ADAMTS17: variants seen among roughly 807,000 people sequenced by gnomAD.
ADAMTS17 encodes ADAM metallopeptidase with thrombospondin type 1 motif 17, also known as A disintegrin and metalloproteinase with thrombospondin motifs 17.
In ADAMTS17, 113 loss-of-function variants were observed where a neutral mutation model predicts 141.5. The observed-to-expected ratio is 0.80, with a 90% CI of 0.69 to 0.93. The LOEUF is 0.93. Among genes scored for constraint, ADAMTS17 ranks in the 40% least tolerant of loss-of-function variants. The pLI is 0.00. For missense variants in ADAMTS17, 1,659 were observed against 1,517.9 expected (o/e 1.09, Z -1.54); for synonymous variants, 768 against 630.6 (o/e 1.22, Z -3.27).
chr15:100,303,338 C>A (rs1159118484), intron 3 of ADAMTS17, among the ~76,000 whole-genome samples: 1 of 151,160 alleles, frequency 6.6e-6, no homozygotes, highest in East Asian at 1.9e-4. Flanking sequence ...TACAAGAATT[C>A]TTTATATATT....
chr15:100,295,099 T>A (rs1188409165), intron 3 of ADAMTS17, among the ~76,000 whole-genome samples: 1 of 152,222 alleles, frequency 6.6e-6, no homozygotes, highest in African/African-American at 2.4e-5. Flanking sequence ...CATGTCCAAC[T>A]GTCTTGTGTC....
intron 8 of ADAMTS17, among the ~76,000 whole-genome samples, chr15:100,161,600 A>G (rs1031427530): frequency 1.3e-5 from 2 of 152,236 alleles, no homozygotes; most frequent in Non-Finnish European, 2.9e-5. Context: ...AATAGTGGGC[A>G]GATGTGTATT....
chr15:99,981,166 G>A (rs527467775), intron 20 of ADAMTS17, among the ~76,000 whole-genome samples: 72 of 152,302 alleles, frequency 4.7e-4, no homozygotes, highest in African/African-American at 1.6e-3. Flanking sequence ...AATCGGAAGC[G>A]GGAATCAAAG....
chr15:99,990,025 G>A (rs1045881061), intron 20 of ADAMTS17, among the ~76,000 whole-genome samples: 1 of 152,174 alleles, frequency 6.6e-6, no homozygotes, highest in Non-Finnish European at 1.5e-5. Flanking sequence ...TCTCTATTGT[G>A]TGAGTTCAAG....
At chr15:100,103,173 A>G (rs1169199589) in intron 14 of ADAMTS17, among the ~76,000 whole-genome samples, 2 of 152,180 alleles carry the variant, frequency 1.3e-5, no homozygotes, top group Admixed American at 6.5e-5. Flanking sequence ...GAGGTTAATC[A>G]GAAAAAAGGG....
rs751533317 is a variant in ADAMTS17, at chr15:100,109,131, G to T, written c.1889-15C>A. 1 of 1,599,272 alleles carries T rather than the reference G, an allele frequency of 6.3e-7. No homozygotes were observed. The highest frequency in any genetic ancestry group is 8.5e-7 in the Non-Finnish European group (1 of 1,172,666). On this transcript the variant is annotated splice_polypyrimidine_tract_variant and intron_variant, in intron 13 of 21. Coordinates refer to ENST00000268070, the MANE Select transcript of ADAMTS17 (RefSeq NM_139057.4). ...ACATGGCTTATCTGAGGAGGGAAAG[G>T]TTGGAGGACGTTGACACGGGAAGGT... is the stretch of plus-strand genomic sequence containing the variant.
chr15:100,004,456 G>C (rs986066208), intron 18 of ADAMTS17, among the ~76,000 whole-genome samples: 5 of 152,116 alleles, frequency 3.3e-5, no homozygotes, highest in African/African-American at 1.2e-4. Flanking sequence ...TTTAAATCCA[G>C]TAATTTGGGA....
At position 99,974,071 on chromosome 15, in the gene ADAMTS17, A is replaced by C; in HGVS notation, c.*331T>G. 1 of 403,966 alleles carries C rather than the reference A, an allele frequency of 2.5e-6. No homozygotes were observed. Among genetic ancestry groups the C allele is most frequent in the Non-Finnish European group, 4.7e-6 (1 of 213,976 alleles). 25.0% of individuals were successfully genotyped at this position (403,966 alleles called of 1,614,324 possible). Reference sequence around the variant, plus strand: ...CAAGCACTGGAAATTCAAATGTCAAAAGCGAGTCAAGACAAGAACACTAAA... The same window carrying C: ...CAAGCACTGGAAATTCAAATGTCAACAGCGAGTCAAGACAAGAACACTAAA... On this transcript the variant is annotated 3_prime_UTR_variant, in exon 22 of 22. Transcript: ENST00000268070.
chr15:100,018,089 TC>T (rs2061325934), intron 18 of ADAMTS17, among the ~76,000 whole-genome samples: 1 of 152,210 alleles, frequency 6.6e-6, no homozygotes, highest in Non-Finnish European at 1.5e-5. Context: ...TCTCCCTAGC[TC>T]CTGGCAACCA....
chr15:100,289,110 T>C (rs368687865), intron 3 of ADAMTS17, among the ~76,000 whole-genome samples: 16 of 151,646 alleles, frequency 1.1e-4, no homozygotes, highest in Admixed American at 1.1e-3. Context: ...GCTAGACCAA[T>C]AAAAAAAGAG....
chr15:100,047,004 A>G (rs2031743100), intron 18 of ADAMTS17, among the ~76,000 whole-genome samples: 1 of 152,132 alleles, frequency 6.6e-6, no homozygotes, highest in South Asian at 2.1e-4. Context: ...AGGAAATATC[A>G]CTGAATTCTT....
At chr15:100,211,486 T>C (rs1000421588) in intron 7 of ADAMTS17, among the ~76,000 whole-genome samples, 30 of 151,974 alleles carry the variant, frequency 2.0e-4, no homozygotes, top group African/African-American at 7.0e-4. Flanking sequence ...AAACTCAAAA[T>C]GGATGAAATA....
rs554070821 is a variant in ADAMTS17 at position 100,156,370 on chromosome 15, T to C, written c.1182-1050A>G. Among the ~76,000 whole-genome samples, 14 of 152,290 alleles carry C rather than the reference T, an allele frequency of 9.2e-5. No homozygotes were observed. The South Asian group carries it at 2.9e-3, about 32-fold the overall frequency. ...GCCTGCAGGCCACCCCCACACCCTT[T>C]TGCCTACAGAGATGCTCCCTTGGCC... On this transcript the variant is annotated intron_variant, in intron 8 of 21. Coordinates refer to ENST00000268070, the MANE Select transcript of ADAMTS17 (RefSeq NM_139057.4).
intron 14 of ADAMTS17, among the ~76,000 whole-genome samples, chr15:100,106,969 T>G (rs775456165): frequency 6.6e-6 from 1 of 152,224 alleles, no homozygotes; most frequent in Non-Finnish European, 1.5e-5. Context: ...GAGGTTGCTG[T>G]GCCAAGACTC....
rs182077467 is a variant in ADAMTS17 at position 100,160,418 on chromosome 15, G to A, written c.1182-5098C>T. Among the ~76,000 whole-genome samples, 393 of 152,346 alleles carry A rather than the reference G, an allele frequency of 2.6e-3. 3 individuals carry two copies. Among genetic ancestry groups the A allele is most frequent in the African/African-American group, 9.0e-3 (374 of 41,588 alleles). On this transcript the variant is annotated intron_variant, in intron 8 of 21. Transcript: ENST00000268070. ...GATGTTGCTTGGAAAACCACAATGGGAGGAGACTCAAGCCCTGGGAGGATG... is the reference window on the plus strand; with the variant it reads ...GATGTTGCTTGGAAAACCACAATGGAAGGAGACTCAAGCCCTGGGAGGATG...
At chr15:100,255,488 A>G (rs1365384415) in intron 6 of ADAMTS17, among the ~76,000 whole-genome samples, 1 of 152,206 alleles carries the variant, frequency 6.6e-6, no homozygotes. Flanking sequence ...ATGAAGCAAT[A>G]GGCGATAGAA....
intron 3 of ADAMTS17, among the ~76,000 whole-genome samples, chr15:100,318,662 A>G (rs1423240930): frequency 6.6e-6 from 1 of 152,202 alleles, no homozygotes; most frequent in Admixed American, 6.5e-5. Flanking sequence ...ACAGACTAAG[A>G]CCATTCCTTA....
intron 15 of ADAMTS17, among the ~76,000 whole-genome samples, chr15:100,077,641 A>G (rs1482815617): frequency 6.6e-6 from 1 of 152,188 alleles, no homozygotes; most frequent in East Asian, 1.9e-4. Flanking sequence ...GGGCATCTAC[A>G]AAACTCCACA....
intron 10 of ADAMTS17, among the ~76,000 whole-genome samples, chr15:100,141,827 A>G (rs1186199708): frequency 6.6e-6 from 1 of 152,230 alleles, no homozygotes; most frequent in Non-Finnish European, 1.5e-5. Flanking sequence ...CCAAAGTCCA[A>G]CGGCTCTGAG....
Sources: allele counts gnomAD v4.1 joint callset (sites outside exome capture counted in the v4.1 genomes callset), GRCh38; gene constraint gnomAD v4.1.1; transcripts MANE v1.5; gene names NCBI Gene and HGNC (gene_info 2026-07-23, HGNC 2026-07-21).